The following PRKAG2 variants were observed in gnomAD, a reference collection of about 807,000 sequenced individuals.
The protein encoded by PRKAG2 is protein kinase AMP-activated non-catalytic subunit gamma 2, also known as 5'-AMP-activated protein kinase subunit gamma-2.
PRKAG2 carries 26 observed loss-of-function variants against 69.6 expected under a neutral mutation model. That is an observed-to-expected ratio of 0.37 (90% CI 0.27 to 0.52). The LOEUF (loss-of-function observed/expected upper bound fraction) is 0.52. PRKAG2 is among the 20% of genes least tolerant of loss of function. PRKAG2 has a pLI of 0.90. For synonymous variants in PRKAG2, 293 were observed against 285.0 expected, an observed-to-expected ratio of 1.03 and a Z score of -0.28; for missense variants, 557 against 740.0, an observed-to-expected ratio of 0.75 and a Z score of 2.87.
chr7:151,696,605 G>C (rs772611359), intron 3 of PRKAG2, among the ~76,000 whole-genome samples: 2 of 152,216 alleles, frequency 1.3e-5, no homozygotes, highest in Admixed American at 6.5e-5. Flanking sequence ...CCAGTTACGA[G>C]AGGTTTCAGG....
intron 4 of PRKAG2, among the ~76,000 whole-genome samples, chr7:151,656,810 C>T (rs1829487443): frequency 2.0e-5 from 3 of 151,930 alleles, no homozygotes; most frequent in Non-Finnish European, 4.4e-5. Flanking sequence ...CAAGTAACAT[C>T]GTGGAATTCA....
At chr7:151,727,427 G>A (rs146479057) in intron 3 of PRKAG2, among the ~76,000 whole-genome samples, 228 of 152,240 alleles carry the variant, frequency 1.5e-3, no homozygotes, top group African/African-American at 5.3e-3. Context: ...CGGGAGCCCC[G>A]TGGGGAGGAA....
intron 9 of PRKAG2, among the ~76,000 whole-genome samples, chr7:151,571,174 C>T (rs879438314): frequency 7.3e-5 from 11 of 151,680 alleles, no homozygotes; most frequent in Admixed American, 5.3e-4. Context: ...CAGGCCCAGG[C>T]GAGTCTCCTG....
chr7:151,573,295 T>C (rs1808081839), intron 8 of PRKAG2, among the ~76,000 whole-genome samples: 1 of 149,404 alleles, frequency 6.7e-6, no homozygotes, highest in South Asian at 2.1e-4. Flanking sequence ...TAACTTGGAC[T>C]ACAGATGTAC....
rs1438663670 is a variant in PRKAG2 at position 151,588,066 on chromosome 7, T to C, written c.864+7279A>G. Among the ~76,000 whole-genome samples the C allele has an allele frequency of 5.3e-5, 8 of 152,172 alleles. No homozygotes were observed. The East Asian group carries it at 1.5e-3, about 29-fold the overall frequency. ...TAGAGTATTGCTAAAAGAAGTTACATTGCCACTGTGAGGAAAAGCCTGGAT... is the reference window on the plus strand; with the variant it reads ...TAGAGTATTGCTAAAAGAAGTTACACTGCCACTGTGAGGAAAAGCCTGGAT... On this transcript the variant is annotated intron_variant, in intron 6 of 15. Transcript: ENST00000287878.
In PRKAG2 at chr7:151,794,731, T is replaced by C. The variant is rs150266211; in HGVS notation, c.115-8190A>G. ...TAATTAGAGAGCTGTCTTTATCCCG[T>C]TCCCAAGGTGAAAGCCAAGATGATT... On this transcript the variant is annotated intron_variant, in intron 1 of 15. Transcript: ENST00000287878. Among the ~76,000 whole-genome samples, 187 of 152,356 alleles carry C rather than the reference T, an allele frequency of 1.2e-3. 4 individuals carry two copies. The East Asian group carries it at 0.032, about 26-fold the overall frequency.
intron 1 of PRKAG2, among the ~76,000 whole-genome samples, chr7:151,793,307 T>G (rs2077351044): frequency 1.3e-5 from 2 of 152,228 alleles, no homozygotes; most frequent in Non-Finnish European, 1.5e-5. Flanking sequence ...GAGCTTCCTC[T>G]GCCTTCACAA....
chr7:151,841,195 C>T (rs1448351701), intron 1 of PRKAG2, among the ~76,000 whole-genome samples: 1 of 152,160 alleles, frequency 6.6e-6, no homozygotes, highest in East Asian at 1.9e-4. Context: ...CCTATGTTGC[C>T]ATGGCTGGTC....
chr7:151,819,526 C>T (rs374105678), intron 1 of PRKAG2, among the ~76,000 whole-genome samples: 188 of 152,232 alleles, frequency 1.2e-3, no homozygotes, highest in African/African-American at 4.3e-3. Flanking sequence ...TAGTTCGCCC[C>T]CCTGCCCCTC....
chr7:151,629,868 T>C (rs1052060924), intron 5 of PRKAG2, among the ~76,000 whole-genome samples: 6 of 152,226 alleles, frequency 3.9e-5, no homozygotes, highest in Non-Finnish European at 1.5e-5. Context: ...TATTTAGAGG[T>C]GTAATGTCTT....
intron 3 of PRKAG2, among the ~76,000 whole-genome samples, chr7:151,735,697 T>A (rs991602159): frequency 2.6e-5 from 4 of 151,738 alleles, no homozygotes; most frequent in African/African-American, 9.7e-5. Context: ...TCAGAAAGAG[T>A]ATTGTCAGGC....
chr7:151,603,978 C>A (rs56683738), intron 5 of PRKAG2, among the ~76,000 whole-genome samples: 1 of 152,014 alleles, frequency 6.6e-6, no homozygotes, highest in Non-Finnish European at 1.5e-5. Context: ...AGGTTAGGAG[C>A]GGTCAGAGGC....
intron 6 of PRKAG2, among the ~76,000 whole-genome samples, chr7:151,576,791 G>T (rs919761426): frequency 1.3e-5 from 2 of 152,088 alleles, no homozygotes; most frequent in Non-Finnish European, 2.9e-5. Context: ...GTGAGCCACC[G>T]CACCTGGCCA....
rs913485782 is a variant in PRKAG2, at chr7:151,632,554, C to T, written c.685-416G>A. The T allele has an allele frequency of 5.6e-5, 55 of 984,058 alleles. No individual in the cohort carries two copies. The highest frequency in any genetic ancestry group is 6.2e-5 in the Non-Finnish European group (51 of 829,148). The allele number at this position is 984,058 out of a possible 1,614,324, so 61.0% of individuals were successfully genotyped here. On this transcript the variant is annotated intron_variant, in intron 4 of 15. Coordinates refer to ENST00000287878, the MANE Select transcript of PRKAG2 (RefSeq NM_016203.4). This position sits in a 1 kb window ranked among gnomAD's most constrained non-coding sequence, Gnocchi z 4.2. ...GGCCCGCGGCCCGCCCCCACTCCGC[C>T]CCCCGGCGCCGCTCACCTTCCCAGC...
chr7:151,606,907 A>C (rs1186282896), intron 5 of PRKAG2, among the ~76,000 whole-genome samples: 1 of 152,240 alleles, frequency 6.6e-6, no homozygotes, highest in Non-Finnish European at 1.5e-5. Context: ...ACTGAGGTTA[A>C]GATATTAACA....
At chr7:151,688,084 G>A (rs1266032458) in intron 3 of PRKAG2, among the ~76,000 whole-genome samples, 1 of 147,678 alleles carries the variant, frequency 6.8e-6, no homozygotes, top group Non-Finnish European at 1.5e-5. Flanking sequence ...GGTGACTACT[G>A]TCATTTCCTA....
intron 3 of PRKAG2, among the ~76,000 whole-genome samples, chr7:151,723,218 C>T (rs1227988406): frequency 6.6e-6 from 1 of 152,138 alleles, no homozygotes; most frequent in Non-Finnish European, 1.5e-5. Flanking sequence ...CCATAAGTCC[C>T]TTTGGGGAAG....
intron 1 of PRKAG2, among the ~76,000 whole-genome samples, chr7:151,794,439 G>A (rs567560931): frequency 1.3e-5 from 2 of 152,234 alleles, no homozygotes; most frequent in Non-Finnish European, 2.9e-5. Flanking sequence ...TTCTTATCAC[G>A]GGCTGGTGGG....
At chr7:151,732,185 G>A (rs11974412) in intron 3 of PRKAG2, among the ~76,000 whole-genome samples, 27 of 147,908 alleles carry the variant, frequency 1.8e-4, no homozygotes, top group African/African-American at 6.7e-4. Context: ...TCACCCAGGC[G>A]GGAGTGCAGT....
Sources: gnomAD v4.1 joint callset for allele counts (sites outside exome capture counted in the v4.1 genomes callset) on GRCh38, gnomAD v4.1.1 for gene constraint, Gnocchi (gnomAD v3.1) non-coding constraint, MANE v1.5 for transcripts, NCBI Gene and HGNC (gene_info 2026-07-23, HGNC 2026-07-21) for gene names.